The following SNRNP200 variants were observed in gnomAD, a reference collection of about 807,000 sequenced individuals.
SNRNP200 encodes the protein small nuclear ribonucleoprotein U5 subunit 200, also known as U5 small nuclear ribonucleoprotein 200 kDa helicase.
Under a neutral mutation model 255.2 loss-of-function variants are expected in SNRNP200, and 66 were observed. The observed-to-expected ratio is 0.26, with a 90% confidence interval of 0.21 to 0.32. The LOEUF is 0.32. SNRNP200 is among the 10% of genes least tolerant of loss of function. SNRNP200 has a pLI of 1.00. For missense variants in SNRNP200, 1,585 were observed against 2,749.8 expected (o/e 0.58, Z 9.47); for synonymous variants, 939 against 1,027.8 (o/e 0.91, Z 1.65).
rs1684702668 is a variant in SNRNP200 at position 96,278,266 on chromosome 2, G to A, written c.5581C>T (p.Arg1861Trp). 5.6e-6 allele frequency: 9 copies of A among 1,614,050 alleles called. No individual in the cohort carries two copies. The highest frequency in any genetic ancestry group is 6.8e-6 in the Non-Finnish European group (8 of 1,180,046). ...NAAEYENIPI[R>W]HHEDNLLRQL... The stretch of plus-strand genomic sequence containing the variant: ...CTCAGGAGATTGTCTTCATGGTGCC[G>A]GATGGGAATGTTCTCATACTCTGCT... The change falls in exon 39 of 45, where the codon CGG becomes TGG. Residue 1861 changes from arginine to tryptophan, a missense_variant. Physicochemically the swap from Arg to Trp is moderately radical, Grantham distance 101 (BLOSUM62 -3). Transcript: ENST00000323853. The surrounding 1 kb of genome is among the most constrained non-coding windows in gnomAD (Gnocchi z 6.9).
At chr2:96,280,370 T>C (rs1684738138) in intron 35 of SNRNP200, among the ~76,000 whole-genome samples, 1 of 151,976 alleles carries the variant, frequency 6.6e-6, no homozygotes, top group Admixed American at 6.6e-5. Flanking sequence ...TGGTGGCACA[T>C]GCTGGTAGTC....
At chr2:96,282,860 T>C in intron 34 of SNRNP200, 1 of 394,386 alleles carries the variant, frequency 2.5e-6, no homozygotes, top group Non-Finnish European at 4.8e-6. Flanking sequence ...TATTTCTTTA[T>C]AGCAATACAA....
At position 96,278,333 on chromosome 2, in the gene SNRNP200, G is replaced by A. The variant is rs753443950; in HGVS notation, c.5514C>T (p.Ala1838=). Residue 1838 remains alanine, a synonymous_variant, in exon 39 of 45, where the codon GCC becomes GCT. Transcript: ENST00000323853. The surrounding 1 kb of genome is among the most constrained non-coding windows in gnomAD (Gnocchi z 6.9). ...TIELFSMSLN[A]KTKVRGLIEI... ...CGATAAGCCCTCGCACCTTGGTCTTGGCATTGAGGGACATGCTGAAGAGCT... is the reference window on the plus strand; with the variant it reads ...CGATAAGCCCTCGCACCTTGGTCTTAGCATTGAGGGACATGCTGAAGAGCT... The A allele has an allele frequency of 3.1e-6, 5 of 1,614,188 alleles. No homozygotes were observed. Among genetic ancestry groups the A allele is most frequent in the Non-Finnish European group, 4.2e-6 (5 of 1,180,042 alleles).
chr2:96,277,067 C>A lies in SNRNP200; in HGVS notation c.6092+14G>T, dbSNP rs767712794. 9.9e-6 allele frequency: 16 copies of A among 1,614,086 alleles called. 1 individual carries two copies. Among genetic ancestry groups the A allele is most frequent in the Admixed American group, 5.0e-5 (3 of 60,010 alleles). The stretch of plus-strand genomic sequence containing the variant: ...CTATTATGCTGTGCCCAACAGGCAC[C>A]ACCTCTGGCTCACCTGCGGATGCTG... On this transcript the variant is annotated intron_variant, in intron 42 of 44. Coordinates refer to ENST00000323853, the MANE Select transcript of SNRNP200 (RefSeq NM_014014.5). This position sits in a 1 kb window ranked among gnomAD's most constrained non-coding sequence, Gnocchi z 4.4.
chr2:96,298,648 T>C lies in SNRNP200; in HGVS notation c.937A>G (p.Asn313Asp). Residue 313 changes from asparagine (N) to aspartate (D), a missense_variant, in exon 8 of 45, where the codon AAC becomes GAC. By Grantham distance (23) the Asn-to-Asp change is conservative (BLOSUM62 1). Around this residue, in one of 9 missense-constraint regions of SNRNP200, gnomAD observed 383 missense variants for 645.3 expected, o/e 0.59. Transcript: ENST00000323853. ...AACACTTTAATGAAATCAAAGGTGT[T>C]GAAACCAAGCAGCAGAACCAGCTGA... ...ENQLVLLLGFNTFDFIKVLRQ... is the reference protein window; with the variant it reads ...ENQLVLLLGFDTFDFIKVLRQ... 6.2e-7 allele frequency: 1 copy of C among 1,614,196 alleles called. No homozygotes were observed. Among genetic ancestry groups the C allele is most frequent in the Non-Finnish European group, 8.5e-7 (1 of 1,180,040 alleles).
Position 96,287,630 on chromosome 2 carries a change from A to T in SNRNP200, c.3366-73T>A, listed in dbSNP as rs887613407. 2.6e-6 allele frequency: 3 copies of T among 1,164,988 alleles called. No homozygotes were observed. In the African/African-American group the frequency reaches 4.5e-5, roughly 18 times the overall value. The allele number at this position is 1,164,988 out of a possible 1,614,324, so 72.2% of individuals were successfully genotyped here. On this transcript the variant is annotated intron_variant, in intron 25 of 44. Coordinates refer to ENST00000323853, the MANE Select transcript of SNRNP200 (RefSeq NM_014014.5). This position sits in a 1 kb window ranked among gnomAD's most constrained non-coding sequence, Gnocchi z 5.7. ...ACAAACCACCCACTTCATGGCTTCC[A>T]ATAGTTTAGCAGTGACTACACAAAA...
In SNRNP200 at chr2:96,286,287, C is replaced by G; in HGVS notation, c.4003+24G>C. ...GTCTCCCGGTGACTTCAAAAGCCTC[C>G]AGAGGAGGGATGGAAACACTTACCC... On this transcript the variant is annotated intron_variant, in intron 29 of 44. Coordinates refer to ENST00000323853, the MANE Select transcript of SNRNP200 (RefSeq NM_014014.5). This position sits in a 1 kb window ranked among gnomAD's most constrained non-coding sequence, Gnocchi z 4.8. The G allele has an allele frequency of 6.2e-7, 1 of 1,613,074 alleles. No homozygotes were observed. Among genetic ancestry groups the G allele is most frequent in the Non-Finnish European group, 8.5e-7 (1 of 1,179,274 alleles).
chr2:96,291,949 A>G lies in SNRNP200; in HGVS notation c.2161-49T>C, dbSNP rs1021850091. 1.9e-6 allele frequency: 3 copies of G among 1,605,616 alleles called. No individual in the cohort carries two copies. Among genetic ancestry groups the G allele is most frequent in the Non-Finnish European group, 2.5e-6 (3 of 1,176,998 alleles). On this transcript the variant is annotated intron_variant, in intron 16 of 44. Coordinates refer to ENST00000323853, the MANE Select transcript of SNRNP200 (RefSeq NM_014014.5). This position sits in a 1 kb window ranked among gnomAD's most constrained non-coding sequence, Gnocchi z 4.2. ...ACAGTCACGAGATACTCACAGCCCC[A>G]GGGCACCTGCAGCAGGAAGCAGAAG... is the stretch of plus-strand genomic sequence containing the variant.
chr2:96,294,618 A>G (rs1028728471), intron 14 of SNRNP200, among the ~76,000 whole-genome samples: 1 of 152,196 alleles, frequency 6.6e-6, no homozygotes, highest in Admixed American at 6.5e-5. Context: ...GCTCCAGAAC[A>G]CTGAAAACCA....
In SNRNP200 at chr2:96,291,520, G is replaced by A. The variant is rs1442021940; in HGVS notation, c.2311-18C>T. ...TCTAGGTTCTGTGGAACAAAGAACC[G>A]GGGATGAGGCGAGCCTTCCTGTAGG... On this transcript the variant is annotated intron_variant, in intron 17 of 44. Transcript: ENST00000323853. This position sits in a 1 kb window ranked among gnomAD's most constrained non-coding sequence, Gnocchi z 4.2. 8 of 1,523,766 alleles carry A rather than the reference G, an allele frequency of 5.3e-6. No individual in the cohort carries two copies. The highest frequency in any genetic ancestry group is 1.7e-4 in the Middle Eastern group (1 of 5,934). 94.4% of individuals were successfully genotyped at this position (1,523,766 alleles called of 1,614,324 possible). A position where few individuals can be genotyped will look rare whatever the true frequency, so the allele number is the denominator to read the frequency against.
At position 96,277,907 on chromosome 2, in the gene SNRNP200, T is replaced by C. The variant is rs1295558388; in HGVS notation, c.5654A>G (p.Asn1885Ser). Residue 1885 changes from asparagine (N) to serine (S), a missense_variant, in exon 40 of 45, where the codon AAT (asparagine) becomes AGT (serine). Transcript: ENST00000323853. The surrounding 1 kb of genome is among the most constrained non-coding windows in gnomAD (Gnocchi z 4.4). ...CAGGTTGGTCTTGACGTGCGGATCATTGAACTTAGGGTTATTCAGCTTGTG... is the reference window on the plus strand; with the variant it reads ...CAGGTTGGTCTTGACGTGCGGATCACTGAACTTAGGGTTATTCAGCTTGTG... The part of the protein sequence containing the change: ...VPHKLNNPKF[N>S]DPHVKTNLLL... 8.1e-6 allele frequency: 13 copies of C among 1,614,226 alleles called. No homozygotes were observed. Among genetic ancestry groups the C allele is most frequent in the Non-Finnish European group, 9.3e-6 (11 of 1,180,038 alleles).
In SNRNP200 at chr2:96,283,303, T is replaced by G. The variant is rs1234568624; in HGVS notation, c.4813A>C (p.Ser1605Arg). 1 of 1,614,034 alleles carries G rather than the reference T, an allele frequency of 6.2e-7. No homozygotes were observed. Among genetic ancestry groups the G allele is most frequent in the Admixed American group, 1.7e-5 (1 of 60,012 alleles). The change falls in exon 34 of 45, where the codon AGT becomes CGT. Residue 1605 changes from serine to arginine, a missense_variant. Physicochemically the swap from Ser to Arg is moderately radical, Grantham distance 110. Coordinates refer to ENST00000323853, the MANE Select transcript of SNRNP200 (RefSeq NM_014014.5). This position sits in a 1 kb window ranked among gnomAD's most constrained non-coding sequence, Gnocchi z 4.7. ...KDLIPYLEKL[S>R]DSTLKETLLN... The stretch of plus-strand genomic sequence containing the variant: ...AGCGTTTCCTTGAGCGTGCTGTCAC[T>G]TAGCTTCTCCAGGTACGGAATCAGA...
chr2:96,285,010 A>C (rs769927056), intron 30 of SNRNP200, 170 bp downstream of exon 30: 2 of 790,364 alleles, frequency 2.5e-6, no homozygotes, highest in Non-Finnish European at 4.3e-6. Context: ...TCGGCCTCCC[A>C]AAGTGCTGGG....
At position 96,298,317 on chromosome 2, in the gene SNRNP200, C is replaced by G. The variant is rs1230233902; in HGVS notation, c.1086G>C (p.Gln362His). The G allele has an allele frequency of 1.2e-6, 2 of 1,614,102 alleles. No individual in the cohort carries two copies. The highest frequency in any genetic ancestry group is 1.3e-5 in the African/African-American group (1 of 74,938). Residue 362 changes from glutamine (Q) to histidine (H), a missense_variant, in exon 9 of 45, where the codon CAG (glutamine) becomes CAC (histidine). Coordinates refer to ENST00000323853, the MANE Select transcript of SNRNP200 (RefSeq NM_014014.5). The stretch of plus-strand genomic sequence containing the variant: ...GATCCTCCTTCTCGGTTTCATGAAG[C>G]TGGTAGAGGAACTTGGATAGCTCTG... ...ADPELSKFLY[Q>H]LHETEKEDLI...
At position 96,284,350 on chromosome 2, in the gene SNRNP200, C is replaced by T. The variant is rs199527479; in HGVS notation, c.4392+8G>A. On this transcript the variant is annotated splice_region_variant and intron_variant, in intron 31 of 44. Coordinates refer to ENST00000323853, the MANE Select transcript of SNRNP200 (RefSeq NM_014014.5). ...GTCCCTCATCTGTGCTGCAAGGTCACGCCATACCCCATTCTCGCCCCCGAT... is the reference window on the plus strand; with the variant it reads ...GTCCCTCATCTGTGCTGCAAGGTCATGCCATACCCCATTCTCGCCCCCGAT... The T allele has an allele frequency of 1.9e-5, 30 of 1,610,470 alleles. No homozygotes were observed. The highest frequency in any genetic ancestry group is 1.3e-4 in the Admixed American group (8 of 60,020).
At position 96,287,355 on chromosome 2, in the gene SNRNP200, C is replaced by T; in HGVS notation, c.3484+84G>A. 1 of 1,200,632 alleles carries T rather than the reference C, an allele frequency of 8.3e-7. No individual in the cohort carries two copies. Among genetic ancestry groups the T allele is most frequent in the South Asian group, 1.2e-5 (1 of 82,292 alleles). The allele number at this position is 1,200,632 out of a possible 1,614,324, so 74.4% of individuals were successfully genotyped here. ...GGAGTGAACACAGGATACTAATGCA[C>T]AGGCCTAGGAACAGGAAGACTACAT... On this transcript the variant is annotated intron_variant, in intron 26 of 44. Coordinates refer to ENST00000323853, the MANE Select transcript of SNRNP200 (RefSeq NM_014014.5). The surrounding 1 kb of genome is among the most constrained non-coding windows in gnomAD (Gnocchi z 5.7).
chr2:96,282,436 A>G, intron 34 of SNRNP200: 1 of 184,240 alleles, frequency 5.4e-6, no homozygotes, highest in Non-Finnish European at 1.2e-5. Flanking sequence ...AGCAAGAGTG[A>G]GCTCAAGGGA....
Position 96,277,993 on chromosome 2 carries a change from C to G in SNRNP200, c.5611-43G>C, listed in dbSNP as rs772231183. Reference sequence around the variant, plus strand: ...AATAGCTGGTGATGAACAGGTGACCCTGCCTGAGACCAGCTCAGGCCAAAG... The same window carrying G: ...AATAGCTGGTGATGAACAGGTGACCGTGCCTGAGACCAGCTCAGGCCAAAG... On this transcript the variant is annotated intron_variant, in intron 39 of 44. Coordinates refer to ENST00000323853, the MANE Select transcript of SNRNP200 (RefSeq NM_014014.5). The surrounding 1 kb of genome is among the most constrained non-coding windows in gnomAD (Gnocchi z 4.4). 1 of 1,613,956 alleles carries G rather than the reference C, an allele frequency of 6.2e-7. No individual in the cohort carries two copies. The highest frequency in any genetic ancestry group is 8.5e-7 in the Non-Finnish European group (1 of 1,179,914).
At chr2:96,289,445 A>G (rs1481263759) in intron 21 of SNRNP200, 66 bp from the exon 22 acceptor site, 6 of 1,546,786 alleles carry the variant, frequency 3.9e-6, no homozygotes, top group Non-Finnish European at 5.4e-6. Context: ...ACTGTGGACC[A>G]TAAGTTACTG....
Sources: gnomAD v4.1 joint callset for allele counts (sites outside exome capture counted in the v4.1 genomes callset) on GRCh38, gnomAD v4.1.1 for gene constraint, gnomAD v4.1.1 regional missense constraint, Gnocchi (gnomAD v3.1) non-coding constraint, MANE v1.5 for transcripts, NCBI Gene and HGNC (gene_info 2026-07-23, HGNC 2026-07-21) for gene names.